The following SPG11 variants were observed in gnomAD, a reference collection of about 807,000 sequenced individuals.
SPG11 encodes the protein spatacsin.
SPG11 carries 222 observed loss-of-function variants against 274.0 expected under a neutral mutation model. The ratio of observed to expected loss-of-function variants is 0.81; its 90% CI spans 0.73 to 0.91. The LOEUF (loss-of-function observed/expected upper bound fraction) is 0.91, where lower values mean the gene tolerates loss of function less well. Among genes scored for constraint, SPG11 ranks in the 40% least tolerant of loss-of-function variants. The probability of loss-of-function intolerance (pLI) is 0.00; values close to 1 mark genes in which losing one functional copy is unlikely to be tolerated. For missense variants in SPG11, 3,114 were observed against 2,872.7 expected, an observed-to-expected ratio of 1.08 and a Z score of -1.92; for synonymous variants, 1,144 against 1,039.7, an observed-to-expected ratio of 1.10 and a Z score of -1.93.
At chr15:44,575,788 C>T (rs564426241) in intron 30 of SPG11, among the ~76,000 whole-genome samples, 1 of 152,268 alleles carries the variant, frequency 6.6e-6, no homozygotes, top group Non-Finnish European at 1.5e-5. Flanking sequence ...GGCCACTGCA[C>T]CCACCTGCAA....
intron 15 of SPG11, among the ~76,000 whole-genome samples, chr15:44,619,269 A>G (rs1298088692): frequency 2.0e-5 from 3 of 152,214 alleles, no homozygotes; most frequent in South Asian, 2.1e-4. Flanking sequence ...ATACATAAAA[A>G]TATGTTTAAG....
At chr15:44,565,583 G>A (rs1567125547) in intron 38 of SPG11, among the ~76,000 whole-genome samples, 1 of 152,202 alleles carries the variant, frequency 6.6e-6, no homozygotes, top group African/African-American at 2.4e-5. Flanking sequence ...GCAGCCTGGG[G>A]TTAAAGGGCC....
chr15:44,575,921 T>C (rs1456679431), intron 30 of SPG11, among the ~76,000 whole-genome samples: 1 of 151,936 alleles, frequency 6.6e-6, no homozygotes, highest in East Asian at 1.9e-4. Flanking sequence ...GGCGGGCGGA[T>C]CACTTGAGGT....
At chr15:44,653,559 G>A (rs2084848159) in intron 4 of SPG11, among the ~76,000 whole-genome samples, 1 of 152,138 alleles carries the variant, frequency 6.6e-6, no homozygotes, top group African/African-American at 2.4e-5. Context: ...GGGGGTAATA[G>A]GCATGAGGAG....
chr15:44,651,691 C>G lies in SPG11; in HGVS notation c.1256G>C (p.Ser419Thr). 1 of 1,614,230 alleles carries G rather than the reference C, an allele frequency of 6.2e-7. No homozygotes were observed. The highest frequency in any genetic ancestry group is 1.1e-5 in the South Asian group (1 of 91,088). ...PGRSWKIMHI[S>T]EQEEPIELKC... ...AAGCTCTATGGGTTCCTCTTGTTCACTGATGTGCATTATTTTCCATGATCT... is the reference window on the plus strand; with the variant it reads ...AAGCTCTATGGGTTCCTCTTGTTCAGTGATGTGCATTATTTTCCATGATCT... The change falls in exon 6 of 40, where the codon AGT becomes ACT. Residue 419 changes from serine to threonine, a missense_variant. Coordinates refer to ENST00000261866, the MANE Select transcript of SPG11 (RefSeq NM_025137.4).
intron 4 of SPG11, among the ~76,000 whole-genome samples, chr15:44,654,776 C>T (rs1775185732): frequency 6.6e-6 from 1 of 151,794 alleles, no homozygotes; most frequent in Admixed American, 6.6e-5. Context: ...GCGGAGGGTG[C>T]AGTGAGCTGA....
intron 7 of SPG11, among the ~76,000 whole-genome samples, chr15:44,645,780 C>T (rs1199419398): frequency 6.6e-6 from 1 of 152,078 alleles, no homozygotes; most frequent in Non-Finnish European, 1.5e-5. Context: ...AAAAAACAAC[C>T]CCATTAAAAA....
chr15:44,633,732 G>T, intron 7 of SPG11, 95 bp from the exon 8 acceptor site: 2 of 1,354,898 alleles, frequency 1.5e-6, no homozygotes, highest in Non-Finnish European at 2.1e-6. Context: ...AATTTAATGT[G>T]GTGAGACTAC....
chr15:44,579,419 C>T (rs1357089096), intron 30 of SPG11, among the ~76,000 whole-genome samples: 2 of 148,428 alleles, frequency 1.3e-5, no homozygotes, highest in African/African-American at 5.0e-5. Flanking sequence ...CCCAGCTACT[C>T]GGGAGGCTGA....
chr15:44,635,652 C>T (rs1036465356), intron 7 of SPG11, among the ~76,000 whole-genome samples: 5 of 148,062 alleles, frequency 3.4e-5, no homozygotes, highest in African/African-American at 7.4e-5. Context: ...TATGGTGGCT[C>T]ACTCCCATAA....
intron 21 of SPG11, 87 bp downstream of exon 21, chr15:44,600,380 G>T: frequency 1.4e-6 from 2 of 1,452,842 alleles, no homozygotes; most frequent in Admixed American, 1.7e-5. Flanking sequence ...GAACTCCTGG[G>T]CTCAAGTGAT....
chr15:44,565,878 A>G lies in SPG11; in HGVS notation c.6975T>C (p.Ile2325=). The change falls in exon 38 of 40, where the codon ATT becomes ATC. Residue 2325 remains isoleucine (I), a synonymous_variant. Coordinates refer to ENST00000261866, the MANE Select transcript of SPG11 (RefSeq NM_025137.4). ...CCTGGTAGAACCGAGGTAGGGCCAG[A>G]ATACAGTCCATCAGCTTGTGGCGGC... ...NLGRHKLMDC[I]LALPRFYQAS... The G allele has an allele frequency of 6.2e-7, 1 of 1,614,138 alleles. No homozygotes were observed. Among genetic ancestry groups the G allele is most frequent in the Non-Finnish European group, 8.5e-7 (1 of 1,180,020 alleles).
chr15:44,614,926 C>T (rs891824900), intron 16 of SPG11, among the ~76,000 whole-genome samples: 3 of 151,998 alleles, frequency 2.0e-5, no homozygotes, highest in African/African-American at 4.8e-5. Context: ...TTTCTCTGTG[C>T]GTGTGTGTGT....
Position 44,608,525 on chromosome 15 carries a change from GGGGT to G in SPG11, c.3368_3371del (p.Tyr1123SerfsTer3). 1 of 1,614,060 alleles carries G rather than the reference GGGGT, an allele frequency of 6.2e-7. No homozygotes were observed. On this transcript the variant is annotated frameshift_variant, in exon 19 of 40. Transcript: ENST00000261866. LOFTEE classifies it high-confidence loss of function. Reference sequence around the variant, plus strand: ...GTGGGAAGAGAGCAGTTTTTAGCTTGGGGTAAGGAGTTAATGCCATCTTCAATAG... The same window carrying G: ...GTGGGAAGAGAGCAGTTTTTAGCTTGAAGGAGTTAATGCCATCTTCAATAG...
Position 44,567,475 on chromosome 15 carries a change from G to C in SPG11, c.6703C>G (p.His2235Asp), listed in dbSNP as rs1475432039. ...FSMCREIGEN[H>D]EAAARIQLKL... ...AGTTGGATGCGGGCAGCTGCCTCGT[G>C]GTTCTCGCCAATCTCCCGGCACATG... Residue 2235 changes from histidine (H) to aspartate (D), a missense_variant, in exon 36 of 40, where the codon CAC (histidine) becomes GAC (aspartate). Transcript: ENST00000261866. 6.2e-7 allele frequency: 1 copy of C among 1,613,948 alleles called. No individual in the cohort carries two copies.
At chr15:44,649,708 A>G (rs2084708794) in intron 6 of SPG11, among the ~76,000 whole-genome samples, 1 of 151,932 alleles carries the variant, frequency 6.6e-6, no homozygotes, top group African/African-American at 2.4e-5. Flanking sequence ...CCTGGCCAAC[A>G]TGATGAAACC....
At chr15:44,568,129 T>G (rs184268239) in intron 35 of SPG11, among the ~76,000 whole-genome samples, 61 of 152,340 alleles carry the variant, frequency 4.0e-4, no homozygotes, top group Admixed American at 1.8e-3. Context: ...CAGGTACATG[T>G]GCAAAGAAGG....
intron 5 of SPG11, 79 bp from the exon 6 acceptor site, chr15:44,652,018 G>A: frequency 1.3e-6 from 2 of 1,558,034 alleles, no homozygotes; most frequent in Non-Finnish European, 1.7e-6. Flanking sequence ...GGGCAAAGAT[G>A]TTCTTAAAAA....
At chr15:44,563,752 G>A (rs898891732) in intron 39 of SPG11, among the ~76,000 whole-genome samples, 10 of 152,062 alleles carry the variant, frequency 6.6e-5, no homozygotes, top group African/African-American at 1.4e-4. Context: ...GCAGCCTCCC[G>A]AGTAACTAGG....
Sources: allele counts gnomAD v4.1 joint callset (sites outside exome capture counted in the v4.1 genomes callset), GRCh38; gene constraint gnomAD v4.1.1; transcripts MANE v1.5; gene names NCBI Gene and HGNC (gene_info 2026-07-23, HGNC 2026-07-21).